Variants in DIP2A observed in about 807,000 individuals in gnomAD.
DIP2A encodes the protein disco-interacting protein 2 homolog A.
A neutral mutation model predicts 177.4 loss-of-function variants in DIP2A; 85 were observed. That is an observed-to-expected ratio of 0.48 (90% CI 0.40 to 0.57). DIP2A has a LOEUF of 0.57. Ranked by LOEUF, DIP2A falls within the 20% of genes least tolerant of loss-of-function variation. The pLI is 0.00. For synonymous variants in DIP2A, 886 were observed against 881.8 expected (o/e 1.00, Z -0.08); for missense variants, 1,791 against 2,100.2 (o/e 0.85, Z 2.88).
intron 5 of DIP2A, among the ~76,000 whole-genome samples, chr21:46,503,616 CTTT>C (rs1568987110): frequency 0.056 from 4,368 of 77,668 alleles, 187 homozygotes; most frequent in African/African-American, 0.14. Context: ...TCCTTCCTTT[CTTT>C]CTTTCTTTCT....
At chr21:46,495,230 TTCTCTTCTCTTCTTTCTCTCTCTCTCTC>T (rs1568967343) in intron 3 of DIP2A, among the ~76,000 whole-genome samples, 4 of 64,884 alleles carry the variant, frequency 6.2e-5, no homozygotes, top group African/African-American at 3.9e-4. Flanking sequence ...TTCTCTTCTC[TTCTCTTCTCTTCTTTCTCTCTCTCTCTC>T]TCTCTCTCTC....
At chr21:46,488,981 G>A (rs1047292882) in intron 2 of DIP2A, among the ~76,000 whole-genome samples, 1 of 152,180 alleles carries the variant, frequency 6.6e-6, no homozygotes. Context: ...ACTCTGTATT[G>A]TCCGTTGTGA....
intron 1 of DIP2A, among the ~76,000 whole-genome samples, chr21:46,471,674 T>C (rs2055395737): frequency 6.6e-6 from 1 of 152,202 alleles, no homozygotes; most frequent in Non-Finnish European, 1.5e-5. Context: ...TATTGTGTAT[T>C]GATAGATTAT....
At chr21:46,499,027 T>G (rs1244463712) in intron 5 of DIP2A, among the ~76,000 whole-genome samples, 194 bp downstream of exon 5, 1 of 152,186 alleles carries the variant, frequency 6.6e-6, no homozygotes, top group African/African-American at 2.4e-5. Flanking sequence ...GACATTAAAT[T>G]GATTTTGAGC....
Position 46,498,563 on chromosome 21 carries a change from A to G in DIP2A, c.404-19A>G, listed in dbSNP as rs751526457. ...GACTCATCCCGATATCATGCCTGTCATCGTTATTTTAACCACAGACACGTC... is the reference window on the plus strand; with the variant it reads ...GACTCATCCCGATATCATGCCTGTCGTCGTTATTTTAACCACAGACACGTC... On this transcript the variant is annotated intron_variant, in intron 4 of 37. Coordinates refer to ENST00000417564, the MANE Select transcript of DIP2A (RefSeq NM_015151.4). The surrounding 1 kb of genome is among the most constrained non-coding windows in gnomAD (Gnocchi z 4.3). The G allele has an allele frequency of 2.7e-5, 43 of 1,591,220 alleles. No individual in the cohort carries two copies. The highest frequency in any genetic ancestry group is 1.7e-6 in the Non-Finnish European group (2 of 1,167,178).
intron 15 of DIP2A, among the ~76,000 whole-genome samples, 154 bp from the exon 16 acceptor site, chr21:46,538,329 G>C (rs779089350): frequency 1.3e-5 from 2 of 152,208 alleles, no homozygotes; most frequent in Non-Finnish European, 2.9e-5. Context: ...CTGCATGTGA[G>C]AGACGGCTGC....
intron 6 of DIP2A, among the ~76,000 whole-genome samples, chr21:46,504,965 A>G (rs2057897879): frequency 6.6e-6 from 1 of 152,234 alleles, no homozygotes; most frequent in Non-Finnish European, 1.5e-5. Flanking sequence ...CAGAGATGTC[A>G]GTGTAACTTT....
In DIP2A at chr21:46,557,917, C is replaced by T. The variant is rs1267566249; in HGVS notation, c.3798+164C>T. Among the ~76,000 whole-genome samples, 6 of 152,214 alleles carry T rather than the reference C, an allele frequency of 3.9e-5. No homozygotes were observed. Among genetic ancestry groups the T allele is most frequent in the Admixed American group, 6.5e-5 (1 of 15,288 alleles). ...CCCTATGTACACATCTGTCCTCCCA[C>T]GGCCCACCTGTCTCTGCAGCTCCAC... On this transcript the variant is annotated intron_variant, in intron 31 of 37. Transcript: ENST00000417564. The surrounding 1 kb of genome is among the most constrained non-coding windows in gnomAD (Gnocchi z 6.0).
chr21:46,503,615 T>TTCCTTC (rs1568987054), intron 5 of DIP2A, among the ~76,000 whole-genome samples: 14,199 of 87,864 alleles, frequency 0.16, 1,302 homozygotes, highest in East Asian at 0.26. Context: ...TTCCTTCCTT[T>TTCCTTC]CTTTCTTTCT....
At chr21:46,560,657 A>G (rs2070429) in intron 32 of DIP2A, 65 bp from the exon 33 acceptor site, 1,095,729 of 1,553,596 alleles carry the variant, frequency 0.71, 387,737 homozygotes, top group African/African-American at 0.83. Context: ...ATGCAGCTGT[A>G]CCTGTAGAAA....
rs193148155 is a variant in DIP2A, at chr21:46,518,088, G to A, written c.1102+6474G>A. Among the ~76,000 whole-genome samples the A allele has an allele frequency of 5.3e-5, 8 of 152,288 alleles. No individual in the cohort carries two copies. In the East Asian group the frequency reaches 7.7e-4, roughly 15 times the overall value. On this transcript the variant is annotated intron_variant, in intron 8 of 37. Coordinates refer to ENST00000417564, the MANE Select transcript of DIP2A (RefSeq NM_015151.4). ...TTTTAAAATTCATCCATGTTATTGCGGGTAGTTGTAATTCATTTATTTCTG... is the reference window on the plus strand; with the variant it reads ...TTTTAAAATTCATCCATGTTATTGCAGGTAGTTGTAATTCATTTATTTCTG...
At chr21:46,535,701 A>G (rs938650703) in intron 13 of DIP2A, among the ~76,000 whole-genome samples, 1 of 152,236 alleles carries the variant, frequency 6.6e-6, no homozygotes, top group Non-Finnish European at 1.5e-5. Context: ...GGGCTTTATT[A>G]AAAAAGTTAG....
At chr21:46,500,175 G>A (rs1376468481) in intron 5 of DIP2A, among the ~76,000 whole-genome samples, 1 of 152,162 alleles carries the variant, frequency 6.6e-6, no homozygotes, top group African/African-American at 2.4e-5. Flanking sequence ...CATTGAACAT[G>A]TGTCCTTCTT....
intron 12 of DIP2A, 149 bp downstream of exon 12, chr21:46,534,262 C>T: frequency 1.5e-6 from 1 of 675,728 alleles, no homozygotes; most frequent in African/African-American, 1.8e-5. Flanking sequence ...TACAGAGTGT[C>T]ATATAAATCC....
intron 1 of DIP2A, among the ~76,000 whole-genome samples, chr21:46,471,554 A>T (rs1457339506): frequency 1.3e-5 from 2 of 152,202 alleles, no homozygotes; most frequent in Admixed American, 6.5e-5. Flanking sequence ...AAATTAGCTG[A>T]CATTTTCAGT....
intron 33 of DIP2A, 57 bp from the exon 34 acceptor site, chr21:46,561,691 C>A (rs1380312077): frequency 1.2e-6 from 2 of 1,603,192 alleles, no homozygotes; most frequent in Non-Finnish European, 1.7e-6. Flanking sequence ...TCTGCCCTTT[C>A]AGACATTACT....
the DIP2A span, among the ~76,000 whole-genome samples, chr21:46,579,241 G>T: frequency 6.6e-6 from 1 of 152,200 alleles, no homozygotes; most frequent in Non-Finnish European, 1.5e-5. Context: ...TAGTTCATGT[G>T]CATAGAGATG....
chr21:46,576,618 A>G, the DIP2A span, among the ~76,000 whole-genome samples: 2 of 152,156 alleles, frequency 1.3e-5, no homozygotes, highest in African/African-American at 2.4e-5. Context: ...AGAATAATTT[A>G]TATTCCGCTG....
intron 3 of DIP2A, among the ~76,000 whole-genome samples, chr21:46,494,613 A>G (rs1489879240): frequency 2.6e-5 from 4 of 152,374 alleles, no homozygotes; most frequent in African/African-American, 9.6e-5. Context: ...GAAAGTCAAG[A>G]TGAATATTTA....
Sources: gnomAD v4.1 joint callset for allele counts (sites outside exome capture counted in the v4.1 genomes callset) on GRCh38, gnomAD v4.1.1 for gene constraint, Gnocchi (gnomAD v3.1) non-coding constraint, MANE v1.5 for transcripts, NCBI Gene and HGNC (gene_info 2026-07-23, HGNC 2026-07-21) for gene names.